The following SHISA6 variants were observed in gnomAD, a reference collection of about 807,000 sequenced individuals.
The protein encoded by SHISA6 is shisa family member 6.
SHISA6 carries 22 observed loss-of-function variants against 47.9 expected under a neutral mutation model. The observed-to-expected ratio is 0.46, with a 90% CI of 0.33 to 0.66. The LOEUF (loss-of-function observed/expected upper bound fraction) is 0.66. Ranked by LOEUF, SHISA6 falls within the 30% of genes least tolerant of loss-of-function variation. SHISA6 has a pLI of 0.02. For synonymous variants in SHISA6, 388 were observed against 337.8 expected, an observed-to-expected ratio of 1.15 and a Z score of -1.63; for missense variants, 680 against 764.6, an observed-to-expected ratio of 0.89 and a Z score of 1.30.
chr17:11,385,065 G>T (rs973788493), intron 3 of SHISA6, among the ~76,000 whole-genome samples: 15 of 152,184 alleles, frequency 9.9e-5, no homozygotes, highest in African/African-American at 3.6e-4. Context: ...AAATCAAGAT[G>T]CAAGTAAATA....
At chr17:11,381,631 A>G (rs138622502) in intron 3 of SHISA6, among the ~76,000 whole-genome samples, 1 of 152,202 alleles carries the variant, frequency 6.6e-6, no homozygotes, top group African/African-American at 2.4e-5. Flanking sequence ...GAGCCAGATC[A>G]TGCATTTATC....
At chr17:11,300,725 A>C (rs1453048829) in intron 2 of SHISA6, among the ~76,000 whole-genome samples, 1 of 151,048 alleles carries the variant, frequency 6.6e-6, no homozygotes, top group Non-Finnish European at 1.5e-5. Context: ...CCCCTTCATA[A>C]GAGATGGCTC....
intron 1 of SHISA6, among the ~76,000 whole-genome samples, chr17:11,258,792 T>C (rs566342916): frequency 6.6e-6 from 1 of 152,352 alleles, no homozygotes; most frequent in African/African-American, 2.4e-5. Context: ...CTAAGGTGAA[T>C]AGCACTGAGC....
chr17:11,558,623 T>G lies in SHISA6; in HGVS notation c.*319T>G. ...TCCCTTTCCGTCCCGCGCCTCCTTCTCCCCATCCGGGGGACTCAGCTGCAG... is the reference window on the plus strand; with the variant it reads ...TCCCTTTCCGTCCCGCGCCTCCTTCGCCCCATCCGGGGGACTCAGCTGCAG... On this transcript the variant is annotated 3_prime_UTR_variant, in exon 6 of 6. Coordinates refer to ENST00000441885, the MANE Select transcript of SHISA6 (RefSeq NM_207386.4). The G allele has an allele frequency of 8.0e-6, 3 of 374,912 alleles. No homozygotes were observed. Among genetic ancestry groups the G allele is most frequent in the South Asian group, 3.8e-5 (1 of 25,982 alleles). The allele number at this position is 374,912 out of a possible 1,614,324, so 23.2% of individuals were successfully genotyped here. A position where few individuals can be genotyped will look rare whatever the true frequency, so the allele number is the denominator to read the frequency against.
At chr17:11,389,697 G>T (rs1913324146) in intron 3 of SHISA6, among the ~76,000 whole-genome samples, 1 of 152,178 alleles carries the variant, frequency 6.6e-6, no homozygotes, top group Non-Finnish European at 1.5e-5. Context: ...GTCCCTCGCT[G>T]GTGCCAAATC....
chr17:11,278,012 G>A (rs1406103990), intron 2 of SHISA6, among the ~76,000 whole-genome samples: 1 of 152,160 alleles, frequency 6.6e-6, no homozygotes, highest in Admixed American at 6.5e-5. Context: ...GCTATTGGGG[G>A]CTATTAATGA....
At chr17:11,383,517 C>A (rs1226693540) in intron 3 of SHISA6, among the ~76,000 whole-genome samples, 1 of 152,104 alleles carries the variant, frequency 6.6e-6, no homozygotes, top group East Asian at 1.9e-4. Context: ...TCTACTGTCT[C>A]TCCCACCTGT....
chr17:11,368,105 G>A (rs1248018093), intron 2 of SHISA6, among the ~76,000 whole-genome samples: 3 of 152,104 alleles, frequency 2.0e-5, no homozygotes, highest in South Asian at 2.1e-4. Context: ...CTCTATACAC[G>A]TGACTACATT....
intron 2 of SHISA6, among the ~76,000 whole-genome samples, chr17:11,275,801 G>T (rs1483845039): frequency 1.3e-5 from 2 of 152,088 alleles, no homozygotes; most frequent in Non-Finnish European, 2.9e-5. Context: ...CCAGGATAGA[G>T]ACATGTTAAG....
At chr17:11,278,886 G>A (rs1201453421) in intron 2 of SHISA6, among the ~76,000 whole-genome samples, 1 of 152,228 alleles carries the variant, frequency 6.6e-6, no homozygotes, top group Non-Finnish European at 1.5e-5. Context: ...TGAGGAGGCG[G>A]GGCAGGGCAG....
intron 3 of SHISA6, among the ~76,000 whole-genome samples, chr17:11,522,781 T>C (rs1479697512): frequency 6.6e-6 from 1 of 152,226 alleles, no homozygotes; most frequent in African/African-American, 2.4e-5. Flanking sequence ...CCAGGATCTA[T>C]CTCAGTAGAC....
intron 3 of SHISA6, among the ~76,000 whole-genome samples, chr17:11,508,112 T>C (rs1382951359): frequency 6.6e-6 from 1 of 152,262 alleles, no homozygotes; most frequent in Non-Finnish European, 1.5e-5. Context: ...GCAGCAAGCT[T>C]GATGCAGTGA....
At position 11,268,644 on chromosome 17, in the gene SHISA6, C is replaced by T. The variant is rs185190031; in HGVS notation, c.799+5118C>T. Among the ~76,000 whole-genome samples, 342 of 152,316 alleles carry T rather than the reference C, an allele frequency of 2.2e-3. 1 individual carries two copies. Among genetic ancestry groups the T allele is most frequent in the Non-Finnish European group, 3.0e-3 (207 of 68,026 alleles). On this transcript the variant is annotated intron_variant, in intron 2 of 5. Coordinates refer to ENST00000441885, the MANE Select transcript of SHISA6 (RefSeq NM_207386.4). Reference sequence around the variant, plus strand: ...GGCTTTACTTTTCTCAGAGCACTTACATCATCTAACATCATACATTTGTCG... The same window carrying T: ...GGCTTTACTTTTCTCAGAGCACTTATATCATCTAACATCATACATTTGTCG...
chr17:11,263,430 A>G lies in SHISA6; in HGVS notation c.703A>G (p.Ile235Val), dbSNP rs916451132. 7.7e-6 allele frequency: 12 copies of G among 1,551,846 alleles called. No homozygotes were observed. The highest frequency in any genetic ancestry group is 7.8e-6 in the Non-Finnish European group (9 of 1,147,074). ...CATAGCACACTGTGAAAGAGAAACT[A>G]TCTCGGCTATCGATACCTCTCCCAA... Reference protein sequence around the residue: ...IPIAHCERETISAIDTSPKEN... With the variant: ...IPIAHCERETVSAIDTSPKEN... Residue 235 changes from isoleucine (I) to valine (V), a missense_variant, in exon 2 of 6, where the codon ATC (isoleucine) becomes GTC (valine). This residue lies in a region of SHISA6 where 559 missense variants were observed against 674.1 expected (regional missense o/e 0.83). Coordinates refer to ENST00000441885, the MANE Select transcript of SHISA6 (RefSeq NM_207386.4).
intron 2 of SHISA6, among the ~76,000 whole-genome samples, chr17:11,282,217 C>T (rs897182232): frequency 6.6e-6 from 1 of 152,206 alleles, no homozygotes; most frequent in African/African-American, 2.4e-5. Flanking sequence ...TACCACCTCT[C>T]TTTACTATGT....
rs115046016 is a variant in SHISA6 at position 11,249,717 on chromosome 17, G to A, written c.638+7657G>A. Reference sequence around the variant, plus strand: ...GGCATGTCATTTTGACTTTATATAAGGGTAACATATTTTAATTTTCCTAGG... The same window carrying A: ...GGCATGTCATTTTGACTTTATATAAAGGTAACATATTTTAATTTTCCTAGG... On this transcript the variant is annotated intron_variant, in intron 1 of 5. Coordinates refer to ENST00000441885, the MANE Select transcript of SHISA6 (RefSeq NM_207386.4). Among the ~76,000 whole-genome samples, 1,021 of 152,288 alleles carry A rather than the reference G, an allele frequency of 6.7e-3. 16 individuals carry two copies. Among genetic ancestry groups the A allele is most frequent in the African/African-American group, 0.023 (975 of 41,562 alleles).
chr17:11,251,015 C>G (rs533853179), intron 1 of SHISA6, among the ~76,000 whole-genome samples: 82 of 152,124 alleles, frequency 5.4e-4, no homozygotes, highest in African/African-American at 2.0e-3. Flanking sequence ...TGTAGGGGCC[C>G]ATGTTGTAGA....
At chr17:11,554,734 TCTC>T (rs2071960651) in intron 4 of SHISA6, among the ~76,000 whole-genome samples, 2 of 152,138 alleles carry the variant, frequency 1.3e-5, no homozygotes, top group Admixed American at 6.5e-5. Context: ...TGTTGTGGCT[TCTC>T]CTCCTCAAGT....
chr17:11,362,761 A>G (rs1912330215), intron 2 of SHISA6, among the ~76,000 whole-genome samples: 1 of 152,252 alleles, frequency 6.6e-6, no homozygotes, highest in Admixed American at 6.5e-5. Flanking sequence ...GTCTAGCGCC[A>G]TATCCAAAGT....
Sources: gnomAD v4.1 joint callset for allele counts (sites outside exome capture counted in the v4.1 genomes callset) on GRCh38, gnomAD v4.1.1 for gene constraint, gnomAD v4.1.1 regional missense constraint, MANE v1.5 for transcripts, NCBI Gene and HGNC (gene_info 2026-07-23, HGNC 2026-07-21) for gene names.